The following SREBF2 variants were observed in gnomAD, a reference collection of about 807,000 sequenced individuals.
SREBF2 encodes the protein sterol regulatory element binding transcription factor 2.
In SREBF2, 55 loss-of-function variants were observed where a neutral mutation model predicts 113.1. The ratio of observed to expected loss-of-function variants is 0.49; its 90% confidence interval spans 0.39 to 0.61. SREBF2 has a LOEUF of 0.61. Ranked by LOEUF, SREBF2 falls within the 20% of genes least tolerant of loss-of-function variation. The pLI is 0.00. For missense variants in SREBF2, 1,349 were observed against 1,487.4 expected (o/e 0.91, Z 1.53); for synonymous variants, 593 against 605.7 (o/e 0.98, Z 0.31).
chr22:41,891,781 C>T (rs1042770527), intron 11 of SREBF2, among the ~76,000 whole-genome samples: 3 of 152,222 alleles, frequency 2.0e-5, no homozygotes, highest in African/African-American at 4.8e-5. Context: ...TTCTCCCTCC[C>T]TCCTGTCTTC....
chr22:41,899,044 A>G (rs990683698), intron 15 of SREBF2: 24 of 601,386 alleles, frequency 4.0e-5, no homozygotes, highest in Admixed American at 8.9e-5. Flanking sequence ...TCCTCCCTGC[A>G]GCCTTCATGG....
At chr22:41,885,051 GCACTT>G in intron 11 of SREBF2, 40 bp downstream of exon 11, 1 of 1,610,908 alleles carries the variant, frequency 6.2e-7, no homozygotes, top group Non-Finnish European at 8.5e-7. Context: ...CCTCCCCTGA[GCACTT>G]ACCTAGCCAG....
intron 13 of SREBF2, among the ~76,000 whole-genome samples, chr22:41,895,736 G>C (rs2077410087): frequency 6.6e-6 from 1 of 152,068 alleles, no homozygotes; most frequent in African/African-American, 2.4e-5. Context: ...ACGCCTGGCA[G>C]GTGCACCCAT....
intron 11 of SREBF2, 148 bp downstream of exon 11, chr22:41,885,159 C>A: frequency 9.9e-7 from 1 of 1,005,104 alleles, no homozygotes; most frequent in Non-Finnish European, 1.5e-6. Flanking sequence ...TCGCTCATTT[C>A]ACCAGGACTC....
rs778246677 is a variant in SREBF2 at position 41,871,015 on chromosome 22, A to G, written c.847A>G (p.Thr283Ala). The G allele has an allele frequency of 6.8e-6, 11 of 1,613,880 alleles. No homozygotes were observed. The highest frequency in any genetic ancestry group is 1.7e-6 in the Non-Finnish European group (2 of 1,180,006). The change falls in exon 4 of 19, where the codon ACG becomes GCG. Residue 283 changes from threonine to alanine, a missense_variant. Transcript: ENST00000361204. Reference protein sequence around the residue: ...ALTALTTPIQTAALQVPTLVG... With the variant: ...ALTALTTPIQAAALQVPTLVG... ...CACCGCCCTCACCACCCCTATCCAG[A>G]CGGCTGCCCTTCAAGTACCAGTAAG...
intron 16 of SREBF2, among the ~76,000 whole-genome samples, chr22:41,902,156 C>T (rs138476662): frequency 6.7e-4 from 102 of 152,340 alleles, no homozygotes; most frequent in African/African-American, 2.4e-3. Context: ...TGAGATGAGG[C>T]TCAGCCTGAG....
intron 1 of SREBF2, among the ~76,000 whole-genome samples, chr22:41,860,520 A>T (rs536022529): frequency 6.6e-6 from 1 of 152,298 alleles, no homozygotes; most frequent in Admixed American, 6.5e-5. Context: ...TGACCCAGCC[A>T]TCTAACTTCT....
chr22:41,897,472 G>A (rs2077427069), intron 14 of SREBF2, among the ~76,000 whole-genome samples: 1 of 152,162 alleles, frequency 6.6e-6, no homozygotes, highest in South Asian at 2.1e-4. Context: ...CACCAGGGAT[G>A]GTGGGGAGTC....
chr22:41,904,665 G>A (rs746154973), intron 17 of SREBF2, 198 bp from the exon 18 acceptor site: 1 of 710,988 alleles, frequency 1.4e-6, no homozygotes, highest in Non-Finnish European at 2.6e-6. Flanking sequence ...TCCTGCTCCT[G>A]CTGTTCAGCC....
In SREBF2 at chr22:41,905,602, A is replaced by G. The variant is rs760455126; in HGVS notation, c.3368A>G (p.Asn1123Ser). The G allele has an allele frequency of 6.2e-7, 1 of 1,600,414 alleles. No homozygotes were observed. Among genetic ancestry groups the G allele is most frequent in the Admixed American group, 1.7e-5 (1 of 58,402 alleles). ...LEKVGDRRSC[N>S]DCQQMIVKLG... ...AAGGTGGGCGACCGGCGCTCCTGCA[A>G]CGACTGCCAGCAGATGATTGTTAAG... Residue 1123 changes from asparagine (N) to serine (S), a missense_variant, in exon 19 of 19, where the codon AAC becomes AGC. Transcript: ENST00000361204.
intron 1 of SREBF2, among the ~76,000 whole-genome samples, chr22:41,853,882 A>G (rs2076953649): frequency 6.6e-6 from 1 of 151,846 alleles, no homozygotes; most frequent in South Asian, 2.1e-4. Context: ...AAAAATACAA[A>G]AAATTAGCTG....
chr22:41,898,837 G>A (rs1238060282), intron 15 of SREBF2, 56 bp downstream of exon 15: 1 of 1,605,104 alleles, frequency 6.2e-7, no homozygotes. Flanking sequence ...TCTTGTTTGA[G>A]TTAGCAGGAG....
At chr22:41,851,969 A>G (rs2148354680) in intron 1 of SREBF2, among the ~76,000 whole-genome samples, 3 of 152,184 alleles carry the variant, frequency 2.0e-5, no homozygotes, top group Admixed American at 2.0e-4. Flanking sequence ...AAAATACGAA[A>G]AATTAGCCGG....
At chr22:41,887,362 T>A (rs979261456) in intron 11 of SREBF2, among the ~76,000 whole-genome samples, 1 of 152,176 alleles carries the variant, frequency 6.6e-6, no homozygotes, top group African/African-American at 2.4e-5. Flanking sequence ...AAACTTCTCT[T>A]GGGCCCTTTG....
rs374629693 is a variant in SREBF2, at chr22:41,833,354, C to A, written c.84C>A (p.Ile28=). ...GCGACGAGCTGACCCTGGGAGACAT[C>A]GACGGTGAGTGGTGGGTGGGTGGGA... ...ELGDELTLGD[I]DEMLQFVSNQ... Residue 28 remains isoleucine (I), a synonymous_variant, in exon 1 of 19, where the codon ATC becomes ATA. Coordinates refer to ENST00000361204, the MANE Select transcript of SREBF2 (RefSeq NM_004599.4). The surrounding 1 kb of genome is among the most constrained non-coding windows in gnomAD (Gnocchi z 4.1). The A allele has an allele frequency of 1.1e-5, 7 of 637,458 alleles. No homozygotes were observed. The East Asian group carries it at 2.7e-4, about 25-fold the overall frequency. The allele number at this position is 637,458 out of a possible 1,614,324, so 39.5% of individuals were successfully genotyped here.
At chr22:41,891,081 C>G (rs891790882) in intron 11 of SREBF2, among the ~76,000 whole-genome samples, 5 of 152,056 alleles carry the variant, frequency 3.3e-5, no homozygotes, top group African/African-American at 1.2e-4. Context: ...CCTGGAGCAG[C>G]CACCAGGCTC....
chr22:41,903,006 C>G lies in SREBF2; in HGVS notation c.2944C>G (p.Leu982Val). 1 of 1,611,704 alleles carries G rather than the reference C, an allele frequency of 6.2e-7. No individual in the cohort carries two copies. The highest frequency in any genetic ancestry group is 8.5e-7 in the Non-Finnish European group (1 of 1,179,278). ...QLLTCDLLLS[L>V]RTALWQKQAS... is the part of the protein sequence containing the mutation. ...GCTCACCTGTGACCTGCTACTGTCG[C>G]TACGGACAGCGCTCTGGCAAAAACA... is the stretch of plus-strand genomic sequence containing the variant. The change falls in exon 17 of 19, where the codon CTA becomes GTA. Residue 982 changes from leucine to valine, a missense_variant. Transcript: ENST00000361204.
intron 11 of SREBF2, among the ~76,000 whole-genome samples, chr22:41,891,742 CT>C (rs1315551863): frequency 6.6e-6 from 1 of 152,182 alleles, no homozygotes; most frequent in East Asian, 1.9e-4. Flanking sequence ...AGCCCCGCCC[CT>C]GGGCTCCCTG....
At chr22:41,892,675 G>A (rs971504070) in intron 11 of SREBF2, among the ~76,000 whole-genome samples, 2 of 148,486 alleles carry the variant, frequency 1.3e-5, no homozygotes, top group Non-Finnish European at 3.0e-5. Flanking sequence ...AAAATGACAT[G>A]ATAAAAAGTC....
Sources: gnomAD v4.1 joint callset for allele counts (sites outside exome capture counted in the v4.1 genomes callset) on GRCh38, gnomAD v4.1.1 for gene constraint, Gnocchi (gnomAD v3.1) non-coding constraint, MANE v1.5 for transcripts, NCBI Gene and HGNC (gene_info 2026-07-23, HGNC 2026-07-21) for gene names.